Variants in MRPS9 observed in about 807,000 individuals in gnomAD.
The protein encoded by MRPS9 is small ribosomal subunit protein uS9m.
MRPS9 carries 45 observed loss-of-function variants against 59.9 expected under a neutral mutation model. The ratio of observed to expected loss-of-function variants is 0.75; its 90% CI spans 0.59 to 0.96. The LOEUF (loss-of-function observed/expected upper bound fraction) is 0.96, where lower values mean the gene tolerates loss of function less well. Ranked by LOEUF, MRPS9 falls within the 40% of genes least tolerant of loss-of-function variation. The pLI, the probability that MRPS9 is intolerant of heterozygous loss-of-function variation, is 0.00. For missense variants in MRPS9, 473 were observed against 481.1 expected (o/e 0.98, Z 0.16); for synonymous variants, 171 against 166.8 (o/e 1.03, Z -0.19).
intron 2 of MRPS9, among the ~76,000 whole-genome samples, chr2:105,067,207 A>G (rs747359522): frequency 6.6e-5 from 10 of 152,290 alleles, no homozygotes; most frequent in South Asian, 2.1e-4. Flanking sequence ...TATATGCCAT[A>G]TATATAATCT....
intron 7 of MRPS9, among the ~76,000 whole-genome samples, chr2:105,091,947 T>C (rs544253512): frequency 6.6e-6 from 1 of 152,318 alleles, no homozygotes; most frequent in East Asian, 1.9e-4. Context: ...AAAGATATAT[T>C]TGCCAAATGT....
chr2:105,093,630 A>C lies in MRPS9; in HGVS notation c.921A>C (p.Thr307=), dbSNP rs1235517311. 1.9e-6 allele frequency: 3 copies of C among 1,589,682 alleles called. No homozygotes were observed. In the African/African-American group the frequency reaches 4.0e-5, roughly 21 times the overall value. Residue 307 remains threonine (T), a synonymous_variant, in exon 9 of 11, where the codon ACA becomes ACC. Coordinates refer to ENST00000258455, the MANE Select transcript of MRPS9 (RefSeq NM_182640.3). Reference sequence around the variant, plus strand: ...ATTACCAGCTTTACTTCCCGATCACACAGGACAGGTTCGTTTTGGGTTCTG... The same window carrying C: ...ATTACCAGCTTTACTTCCCGATCACCCAGGACAGGTTCGTTTTGGGTTCTG... ...GIDYQLYFPI[T]QDREQLMFPF... is the part of the protein sequence containing the mutation.
chr2:105,087,785 C>A (rs150781744), intron 5 of MRPS9, among the ~76,000 whole-genome samples: 3 of 99,050 alleles, frequency 3.0e-5, no homozygotes, highest in Non-Finnish European at 4.6e-5. Context: ...CCCTCCCTCC[C>A]TCCCTCCTGC....
At chr2:105,078,526 G>T (rs556135466) in intron 4 of MRPS9, among the ~76,000 whole-genome samples, 3 of 152,062 alleles carry the variant, frequency 2.0e-5, no homozygotes, top group African/African-American at 7.2e-5. Context: ...AAAATATGCC[G>T]GATTTGATTC....
intron 2 of MRPS9, among the ~76,000 whole-genome samples, chr2:105,068,978 A>G (rs1404652129): frequency 6.6e-6 from 1 of 152,184 alleles, no homozygotes; most frequent in Non-Finnish European, 1.5e-5. Context: ...CTAGGGAAAT[A>G]TATATGTAAT....
At chr2:105,071,946 T>C (rs1334711519) in intron 4 of MRPS9, among the ~76,000 whole-genome samples, 1 of 152,194 alleles carries the variant, frequency 6.6e-6, no homozygotes, top group African/African-American at 2.4e-5. Flanking sequence ...ATCATTCTAA[T>C]TGTGTCTCCT....
intron 1 of MRPS9, among the ~76,000 whole-genome samples, chr2:105,039,357 T>C (rs1679459710): frequency 5.9e-5 from 9 of 152,184 alleles, no homozygotes; most frequent in Admixed American, 5.2e-4. Flanking sequence ...GCTAGAAATT[T>C]TTATTTTTTC....
rs547217215 is a variant in MRPS9, at chr2:105,067,420, A to G, written c.316-3893A>G. 2.0e-5 allele frequency among the ~76,000 whole-genome samples: 3 copies of G among 152,302 alleles called. No individual in the cohort carries two copies. In the South Asian group the frequency reaches 6.2e-4, roughly 32 times the overall value. On this transcript the variant is annotated intron_variant, in intron 2 of 10. Coordinates refer to ENST00000258455, the MANE Select transcript of MRPS9 (RefSeq NM_182640.3). The stretch of plus-strand genomic sequence containing the variant: ...TACATCCACGAAGTCTGAGAGGTAC[A>G]TAGTCAGTTTGTCCTGCTGTTGATG...
At chr2:105,062,314 T>G (rs976914624) in intron 2 of MRPS9, among the ~76,000 whole-genome samples, 2 of 152,214 alleles carry the variant, frequency 1.3e-5, no homozygotes, top group Non-Finnish European at 2.9e-5. Context: ...GCTATCATGC[T>G]TAGTAGCAGA....
At chr2:105,059,830 C>T (rs954736698) in intron 2 of MRPS9, among the ~76,000 whole-genome samples, 3 of 152,012 alleles carry the variant, frequency 2.0e-5, no homozygotes, top group African/African-American at 7.2e-5. Context: ...GTAAGTGCCA[C>T]ACACGTTCTG....
intron 4 of MRPS9, among the ~76,000 whole-genome samples, chr2:105,075,676 A>G (rs1680195392): frequency 6.6e-6 from 1 of 152,210 alleles, no homozygotes; most frequent in South Asian, 2.1e-4. Context: ...AAAGCTTTAT[A>G]TTAAGAGAGT....
chr2:105,099,735 A>G lies in MRPS9; in HGVS notation c.1165A>G (p.Arg389Gly). 1 of 1,614,194 alleles carries G rather than the reference A, an allele frequency of 6.2e-7. No homozygotes were observed. Among genetic ancestry groups the G allele is most frequent in the Non-Finnish European group, 8.5e-7 (1 of 1,180,042 alleles). ...GAAGCCAGGCCAAGAGGGAGCCCGC[A>G]GAAAGTTTACGTGGAAGAAACGCTA... ...RKKPGQEGAR[R>G]KFTWKKR Residue 389 changes from arginine (R) to glycine (G), a missense_variant, in exon 11 of 11, where the codon AGA (arginine) becomes GGA (glycine). Coordinates refer to ENST00000258455, the MANE Select transcript of MRPS9 (RefSeq NM_182640.3).
At chr2:105,089,803 A>G (rs1680521658) in intron 6 of MRPS9, 117 bp from the exon 7 acceptor site, 4 of 618,188 alleles carry the variant, frequency 6.5e-6, no homozygotes, top group South Asian at 5.0e-5. Context: ...AATTACTGCT[A>G]TATAATATAA....
chr2:105,044,259 CA>C lies in MRPS9; in HGVS notation c.136-4909del, dbSNP rs77392827. ...CAAATTGTTCTTAACAGTGGCAAAG[CA>C]AATTCCCTTCAAGAATTCTTGGTGT... On this transcript the variant is annotated intron_variant, in intron 1 of 10. Transcript: ENST00000258455. 2.0e-3 allele frequency among the ~76,000 whole-genome samples: 301 copies of C among 152,274 alleles called. 11 individuals are homozygous for C. In the East Asian group the frequency reaches 0.052, roughly 26 times the overall value.
At chr2:105,094,235 G>A (rs187115648) in intron 9 of MRPS9, among the ~76,000 whole-genome samples, 1 of 152,314 alleles carries the variant, frequency 6.6e-6, no homozygotes, top group East Asian at 1.9e-4. Flanking sequence ...GCTTTGCTTA[G>A]TTCTGGGTGC....
chr2:105,076,059 C>T (rs1042755564), intron 4 of MRPS9, among the ~76,000 whole-genome samples: 5 of 152,006 alleles, frequency 3.3e-5, no homozygotes, highest in Non-Finnish European at 7.4e-5. Context: ...TTAGGAAAAT[C>T]GATTATTATT....
chr2:105,048,207 A>G (rs1417338198), intron 1 of MRPS9, among the ~76,000 whole-genome samples: 1 of 152,072 alleles, frequency 6.6e-6, no homozygotes, highest in Admixed American at 6.5e-5. Context: ...TTGCAGGGAC[A>G]TGGATGAAAT....
chr2:105,081,635 GT>G (rs1680349824), intron 5 of MRPS9, among the ~76,000 whole-genome samples: 1 of 152,108 alleles, frequency 6.6e-6, no homozygotes, highest in Non-Finnish European at 1.5e-5. Flanking sequence ...TTCTAAGTTT[GT>G]TTTTATGTTT....
chr2:105,055,947 C>A (rs1181297749), intron 2 of MRPS9, among the ~76,000 whole-genome samples: 1 of 152,130 alleles, frequency 6.6e-6, no homozygotes, highest in Non-Finnish European at 1.5e-5. Flanking sequence ...AAATGTTTGG[C>A]TTTTAATATA....
Sources: allele counts gnomAD v4.1 joint callset (sites outside exome capture counted in the v4.1 genomes callset), GRCh38; gene constraint gnomAD v4.1.1; transcripts MANE v1.5; gene names NCBI Gene and HGNC (gene_info 2026-07-23, HGNC 2026-07-21).